The following DOCK3 variants were observed in gnomAD, a reference collection of about 807,000 sequenced individuals.
The protein encoded by DOCK3 is dedicator of cytokinesis 3.
A neutral mutation model predicts 265.6 loss-of-function variants in DOCK3; 60 were observed. The ratio of observed to expected loss-of-function variants is 0.23; its 90% confidence interval spans 0.18 to 0.28. The LOEUF is 0.28. Ranked by LOEUF, DOCK3 falls within the 10% of genes least tolerant of loss-of-function variation. The pLI, the probability that DOCK3 is intolerant of heterozygous loss-of-function variation, is 1.00. For missense variants in DOCK3, 1,981 were observed against 2,594.3 expected (o/e 0.76, Z 5.14); for synonymous variants, 881 against 938.0 (o/e 0.94, Z 1.11).
chr3:51,249,997 A>C (rs2079112280), intron 22 of DOCK3, among the ~76,000 whole-genome samples: 1 of 151,870 alleles, frequency 6.6e-6, no homozygotes, highest in African/African-American at 2.4e-5. Flanking sequence ...GCTCTCTGAA[A>C]CGTGCTGTGT....
chr3:50,997,260 T>G (rs1252320699), intron 5 of DOCK3, among the ~76,000 whole-genome samples: 3 of 152,200 alleles, frequency 2.0e-5, no homozygotes, highest in Non-Finnish European at 4.4e-5. Flanking sequence ...ATCCATTGAA[T>G]AAATGAATTT....
At chr3:50,819,046 G>C (rs1272353497) in intron 2 of DOCK3, among the ~76,000 whole-genome samples, 1 of 152,114 alleles carries the variant, frequency 6.6e-6, no homozygotes. Flanking sequence ...GCTTTGTGCT[G>C]GAAGACTGGT....
At chr3:51,317,471 T>C (rs918506437) in intron 32 of DOCK3, among the ~76,000 whole-genome samples, 19 of 151,006 alleles carry the variant, frequency 1.3e-4, no homozygotes, top group African/African-American at 4.1e-4. Context: ...TCCCAGATAC[T>C]CAGGAGGCTG....
intron 1 of DOCK3, among the ~76,000 whole-genome samples, chr3:50,724,125 C>T (rs2037659267): frequency 1.3e-5 from 2 of 152,258 alleles, no homozygotes; most frequent in South Asian, 4.1e-4. Context: ...TAGAGAAATG[C>T]AAATCAAAAC....
intron 5 of DOCK3, among the ~76,000 whole-genome samples, chr3:50,973,049 C>CTTGTTTTTTTT (rs2077292329): frequency 1.1e-4 from 2 of 19,010 alleles, no homozygotes; most frequent in African/African-American, 2.2e-4. Context: ...CAGTGTGTTT[C>CTTGTTTTTTTT]TTTTTTTTTT....
chr3:50,832,802 C>T (rs552741522), intron 2 of DOCK3, among the ~76,000 whole-genome samples: 3 of 152,176 alleles, frequency 2.0e-5, no homozygotes, highest in Middle Eastern at 6.8e-3. Context: ...GGTGATATTC[C>T]TGCCTAACTA....
At chr3:50,851,415 A>G (rs988769561) in intron 3 of DOCK3, among the ~76,000 whole-genome samples, 18 of 151,994 alleles carry the variant, frequency 1.2e-4, no homozygotes, top group Non-Finnish European at 1.9e-4. Flanking sequence ...GCTGATCCAG[A>G]TGAGCTAGAA....
At chr3:50,982,090 C>T (rs561000547) in intron 5 of DOCK3, among the ~76,000 whole-genome samples, 1 of 152,100 alleles carries the variant, frequency 6.6e-6, no homozygotes, top group Non-Finnish European at 1.5e-5. Flanking sequence ...CTCAGGTGAT[C>T]CACCTGCCTC....
intron 12 of DOCK3, among the ~76,000 whole-genome samples, chr3:51,197,182 A>G (rs2088354517): frequency 6.6e-6 from 1 of 152,140 alleles, no homozygotes; most frequent in Non-Finnish European, 1.5e-5. Context: ...GTTGTTAGTT[A>G]AGGCTGTGGG....
At chr3:51,142,482 ACATAGAGC>A (rs1341291497) in intron 9 of DOCK3, among the ~76,000 whole-genome samples, 6 of 152,176 alleles carry the variant, frequency 3.9e-5, no homozygotes, top group African/African-American at 1.4e-4. Context: ...ATAAATGGAG[ACATAGAGC>A]CTATGGCCTT....
chr3:50,817,060 A>T (rs1209930884), intron 2 of DOCK3, among the ~76,000 whole-genome samples: 1 of 152,192 alleles, frequency 6.6e-6, no homozygotes, highest in Middle Eastern at 3.2e-3. Flanking sequence ...AGCTGCTGGC[A>T]TTTTTATGGT....
At position 51,341,319 on chromosome 3, in the gene DOCK3, G is replaced by C. The variant is rs372027488; in HGVS notation, c.3849G>C (p.Ser1283=). Residue 1283 remains serine (S), a synonymous_variant, in exon 38 of 53, where the codon TCG becomes TCC. Transcript: ENST00000266037. ...TACGGGAATTCCTCCACTACCCATC[G>C]CAGACAGAGTGGCAGCGGAAGGAGG... is the stretch of plus-strand genomic sequence containing the variant. ...RPLREFLHYP[S]QTEWQRKEGL... 6.2e-7 allele frequency: 1 copy of C among 1,613,622 alleles called. No individual in the cohort carries two copies.
At chr3:50,762,401 C>G (rs1247259934) in intron 1 of DOCK3, among the ~76,000 whole-genome samples, 1 of 152,024 alleles carries the variant, frequency 6.6e-6, no homozygotes, top group African/African-American at 2.4e-5. Flanking sequence ...TAACATTATT[C>G]ACATTATGGT....
chr3:51,052,198 CAG>C (rs1339805006), intron 5 of DOCK3, among the ~76,000 whole-genome samples: 2 of 152,108 alleles, frequency 1.3e-5, no homozygotes, highest in Admixed American at 6.6e-5. Context: ...GTAGGTAAGA[CAG>C]AGTCATTTAA....
intron 38 of DOCK3, among the ~76,000 whole-genome samples, chr3:51,342,512 C>G (rs1005846410): frequency 6.6e-6 from 1 of 152,184 alleles, no homozygotes; most frequent in African/African-American, 2.4e-5. Context: ...CCTGGAGCTG[C>G]CCCTCACCCT....
intron 5 of DOCK3, among the ~76,000 whole-genome samples, chr3:51,014,435 A>G (rs2079074628): frequency 6.6e-6 from 1 of 152,124 alleles, no homozygotes; most frequent in Non-Finnish European, 1.5e-5. Context: ...GTGCTTCCAG[A>G]ATCAGTTTCC....
chr3:51,195,308 C>G (rs138895837), intron 12 of DOCK3, among the ~76,000 whole-genome samples: 185 of 152,152 alleles, frequency 1.2e-3, no homozygotes, highest in African/African-American at 3.5e-3. Context: ...GTTCCTTTTT[C>G]TTTTACTGGT....
chr3:50,940,977 C>T (rs957930667), intron 5 of DOCK3, among the ~76,000 whole-genome samples: 1 of 151,940 alleles, frequency 6.6e-6, no homozygotes, highest in African/African-American at 2.4e-5. Context: ...CTAAAACTTT[C>T]GGAAGAAAAT....
chr3:50,882,989 C>G (rs981087707), intron 3 of DOCK3, among the ~76,000 whole-genome samples: 2 of 152,084 alleles, frequency 1.3e-5, no homozygotes, highest in Non-Finnish European at 2.9e-5. Flanking sequence ...AAGCTGGAAA[C>G]CATCACTCTG....
Sources: gnomAD v4.1 joint callset for allele counts (sites outside exome capture counted in the v4.1 genomes callset) on GRCh38, gnomAD v4.1.1 for gene constraint, MANE v1.5 for transcripts, NCBI Gene and HGNC (gene_info 2026-07-23, HGNC 2026-07-21) for gene names.